Variants in TAS2R1 observed in about 807,000 individuals in gnomAD.
TAS2R1 encodes the protein taste receptor type 2 member 1.
For synonymous variants in TAS2R1, 141 were observed against 134.2 expected (o/e 1.05, Z -0.35); for missense variants, 370 against 353.4 (o/e 1.05, Z -0.38).
chr5:9,872,180 T>A, the TAS2R1 span, among the ~76,000 whole-genome samples: 1 of 152,224 alleles, frequency 6.6e-6, no homozygotes, highest in African/African-American at 2.4e-5. Context: ...CAAAATATTA[T>A]CTGCAATGTT....
intron 1 of TAS2R1, among the ~76,000 whole-genome samples, chr5:9,699,888 G>A (rs41485): frequency 0.21 from 31,908 of 151,948 alleles, 3,605 homozygotes; most frequent in Admixed American, 0.32. Flanking sequence ...TAAAGTTAGC[G>A]GACTCCCTGG....
At chr5:9,764,201 T>C in the TAS2R1 span, among the ~76,000 whole-genome samples, 5 of 152,360 alleles carry the variant, frequency 3.3e-5, no homozygotes, top group East Asian at 9.6e-4. Context: ...TCCCTAATTC[T>C]GGGAAAGGTT....
chr5:9,651,979 C>T (rs1430932619), intron 2 of TAS2R1, among the ~76,000 whole-genome samples: 1 of 152,140 alleles, frequency 6.6e-6, no homozygotes, highest in East Asian at 1.9e-4. Flanking sequence ...TCATGACTGT[C>T]ACTATAAAAG....
At chr5:9,666,647 G>C (rs945470583) in intron 1 of TAS2R1, among the ~76,000 whole-genome samples, 16 of 151,994 alleles carry the variant, frequency 1.1e-4, no homozygotes, top group Non-Finnish European at 1.9e-4. Flanking sequence ...TGCTGGGTGG[G>C]GTGGGGGCAA....
the TAS2R1 span, among the ~76,000 whole-genome samples, chr5:9,783,365 T>C: frequency 6.6e-6 from 1 of 152,224 alleles, no homozygotes; most frequent in African/African-American, 2.4e-5. Flanking sequence ...TAACAGCATC[T>C]GGTCAGCTTA....
chr5:9,691,621 T>C (rs1741250935), intron 1 of TAS2R1, among the ~76,000 whole-genome samples: 1 of 152,210 alleles, frequency 6.6e-6, no homozygotes, highest in Admixed American at 6.5e-5. Context: ...AAAGCAAAAC[T>C]GGCATGAAGA....
the TAS2R1 span, among the ~76,000 whole-genome samples, chr5:9,819,212 C>T: frequency 3.3e-5 from 5 of 152,044 alleles, no homozygotes; most frequent in Admixed American, 2.6e-4. Context: ...TGGTAAATGG[C>T]GACTCAAAGA....
At chr5:9,731,497 C>A in the TAS2R1 span, among the ~76,000 whole-genome samples, 1 of 152,224 alleles carries the variant, frequency 6.6e-6, no homozygotes, top group African/African-American at 2.4e-5. Context: ...GGATTCCCCT[C>A]TCTGAGCTTC....
rs778995507 is a variant in TAS2R1, at chr5:9,629,848, A to G, written c.185T>C (p.Ile62Thr). Reference sequence around the variant, plus strand: ...GATAACAATCACATTAACGTAGAAGATGAACAACTGCAGAAAAATTCTAGA... The same window carrying G: ...GATAACAATCACATTAACGTAGAAGGTGAACAACTGCAGAAAAATTCTAGA... ...AVSRIFLQLF[I>T]FYVNVIVIFF... The change falls in exon 1 of 1, where the codon ATC (isoleucine) becomes ACC (threonine). Residue 62 changes from isoleucine to threonine, a missense_variant. Ile to Thr is a moderately conservative substitution (Grantham distance 89, BLOSUM62 -1). Coordinates refer to ENST00000382492, the MANE Select transcript of TAS2R1 (RefSeq NM_019599.3). 6.2e-7 allele frequency: 1 copy of G among 1,613,660 alleles called. No homozygotes were observed. Among genetic ancestry groups the G allele is most frequent in the Non-Finnish European group, 8.5e-7 (1 of 1,179,928 alleles).
At chr5:9,669,357 G>A (rs1410480392) in intron 1 of TAS2R1, among the ~76,000 whole-genome samples, 1 of 152,040 alleles carries the variant, frequency 6.6e-6, no homozygotes, top group African/African-American at 2.4e-5. Flanking sequence ...GATCATCAAG[G>A]CAGAAAACTA....
At chr5:9,757,750 C>T in the TAS2R1 span, among the ~76,000 whole-genome samples, 5 of 152,094 alleles carry the variant, frequency 3.3e-5, no homozygotes, top group East Asian at 1.9e-4. Flanking sequence ...TAAACTAGCA[C>T]GCTGAAAAAC....
At chr5:9,668,829 A>T (rs35746377) in intron 1 of TAS2R1, among the ~76,000 whole-genome samples, 25,766 of 152,072 alleles carry the variant, frequency 0.17, 2,308 homozygotes, top group African/African-American at 0.22. Context: ...AAAGACCATC[A>T]GCACTATTAA....
chr5:9,765,070 A>G, the TAS2R1 span, among the ~76,000 whole-genome samples: 1 of 152,210 alleles, frequency 6.6e-6, no homozygotes. Context: ...ATATATACAC[A>G]CACACAAACA....
At chr5:9,898,500 C>T in the TAS2R1 span, among the ~76,000 whole-genome samples, 7 of 152,310 alleles carry the variant, frequency 4.6e-5, no homozygotes, top group East Asian at 1.9e-4. Context: ...TGAGGCCTCT[C>T]GCACATGGCT....
chr5:9,694,025 C>T (rs542615001), intron 1 of TAS2R1, among the ~76,000 whole-genome samples: 173 of 152,070 alleles, frequency 1.1e-3, no homozygotes, highest in African/African-American at 4.1e-3. Context: ...TTAGTTTTTC[C>T]CCTGAGAGAT....
the TAS2R1 span, chr5:9,854,421 G>A: frequency 6.6e-6 from 1 of 152,126 alleles, no homozygotes; most frequent in Non-Finnish European, 1.5e-5. Flanking sequence ...TAAATCTGGA[G>A]GGATGCAATT....
intron 1 of TAS2R1, among the ~76,000 whole-genome samples, chr5:9,685,297 G>A (rs1280101646): frequency 6.6e-6 from 1 of 151,894 alleles, no homozygotes; most frequent in African/African-American, 2.4e-5. Context: ...TCTTTGAAAT[G>A]GATTAATTGG....
chr5:9,806,124 T>A, the TAS2R1 span, among the ~76,000 whole-genome samples: 136 of 152,086 alleles, frequency 8.9e-4, no homozygotes, highest in South Asian at 1.9e-3. Context: ...GAGAATCATA[T>A]CAAGAACTCA....
the TAS2R1 span, among the ~76,000 whole-genome samples, chr5:9,874,080 T>C: frequency 1.3e-5 from 2 of 152,064 alleles, no homozygotes; most frequent in Non-Finnish European, 2.9e-5. Context: ...GAGTTTATTT[T>C]AGGACATCAA....
Sources: allele counts gnomAD v4.1 joint callset (sites outside exome capture counted in the v4.1 genomes callset), GRCh38; gene constraint gnomAD v4.1.1; transcripts MANE v1.5; gene names NCBI Gene and HGNC (gene_info 2026-07-23, HGNC 2026-07-21).